The following BPTF variants were observed in gnomAD, a reference collection of about 807,000 sequenced individuals.
The protein encoded by BPTF is bromodomain PHD finger transcription factor.
BPTF carries 18 observed loss-of-function variants against 292.5 expected under a neutral mutation model. The observed-to-expected ratio is 0.06, with a 90% confidence interval of 0.04 to 0.09. The LOEUF (loss-of-function observed/expected upper bound fraction) is 0.09. Ranked by LOEUF, BPTF falls within the 10% of genes least tolerant of loss-of-function variation. BPTF has a pLI of 1.00. For synonymous variants in BPTF, 1,225 were observed against 1,251.9 expected, an observed-to-expected ratio of 0.98 and a Z score of 0.45; for missense variants, 2,726 against 3,498.7, an observed-to-expected ratio of 0.78 and a Z score of 5.57.
intron 4 of BPTF, among the ~76,000 whole-genome samples, chr17:67,876,367 G>A (rs770433583): frequency 6.6e-5 from 10 of 152,214 alleles, no homozygotes; most frequent in Non-Finnish European, 1.5e-4. Context: ...TTCCATTTGA[G>A]TACTGGTCAG....
At chr17:67,847,116 T>G (rs1207040875) in intron 1 of BPTF, among the ~76,000 whole-genome samples, 4 of 152,294 alleles carry the variant, frequency 2.6e-5, no homozygotes, top group Middle Eastern at 3.4e-3. Context: ...ATAAACATCT[T>G]TGAAAGGAAG....
intron 1 of BPTF, among the ~76,000 whole-genome samples, chr17:67,831,415 A>G (rs1022506627): frequency 5.3e-5 from 8 of 152,222 alleles, no homozygotes; most frequent in African/African-American, 1.7e-4. Flanking sequence ...AAGTTGGGCA[A>G]TATGATTTGT....
chr17:67,837,413 G>GTT (rs57947185), intron 1 of BPTF, among the ~76,000 whole-genome samples: 2 of 143,794 alleles, frequency 1.4e-5, no homozygotes, highest in African/African-American at 2.5e-5. Context: ...TATGTGTTTT[G>GTT]TTTTTTTTTT....
At chr17:67,924,992 A>C (rs1291669302) in intron 15 of BPTF, among the ~76,000 whole-genome samples, 7 of 144,282 alleles carry the variant, frequency 4.9e-5, no homozygotes, top group African/African-American at 5.2e-5. Flanking sequence ...CAAGCGATCC[A>C]CCTGCCTCAG....
intron 24 of BPTF, chr17:67,963,409 A>G (rs1555685059): frequency 6.5e-7 from 1 of 1,536,084 alleles, no homozygotes; most frequent in Non-Finnish European, 8.7e-7. Context: ...GGAGGCTAAG[A>G]AAATGGATGT....
At chr17:67,921,803 G>T (rs1204579168) in intron 13 of BPTF, among the ~76,000 whole-genome samples, 1 of 152,112 alleles carries the variant, frequency 6.6e-6, no homozygotes, top group South Asian at 2.1e-4. Context: ...AGGCCAAGGC[G>T]GGTGGGTCAT....
At chr17:67,951,916 A>G (rs1351383183) in intron 23 of BPTF, among the ~76,000 whole-genome samples, 1 of 151,870 alleles carries the variant, frequency 6.6e-6, no homozygotes, top group Non-Finnish European at 1.5e-5. Flanking sequence ...TTAGCTGGGC[A>G]TGGTGGCGCA....
In BPTF at chr17:67,904,696, C is replaced by T. The variant is rs1434340540; in HGVS notation, c.2674-6C>T. 3 of 1,593,386 alleles carry T rather than the reference C, an allele frequency of 1.9e-6. No individual in the cohort carries two copies. Among genetic ancestry groups the T allele is most frequent in the Non-Finnish European group, 2.6e-6 (3 of 1,168,110 alleles). On this transcript the variant is annotated splice_region_variant and splice_polypyrimidine_tract_variant and intron_variant, in intron 8 of 27. Transcript: ENST00000306378. ...TGTTTAATCAAAATGTTTTCATTTACACCAGGTTTGGAAACAAAAAGGTGA... is the reference window on the plus strand; with the variant it reads ...TGTTTAATCAAAATGTTTTCATTTATACCAGGTTTGGAAACAAAAAGGTGA...
At chr17:67,933,787 A>G (rs2064646780) in intron 18 of BPTF, among the ~76,000 whole-genome samples, 1 of 152,168 alleles carries the variant, frequency 6.6e-6, no homozygotes. Flanking sequence ...ACCCAGGCGC[A>G]GTGGCTCATG....
At chr17:67,933,167 A>G (rs1306646163) in intron 18 of BPTF, among the ~76,000 whole-genome samples, 1 of 151,804 alleles carries the variant, frequency 6.6e-6, no homozygotes, top group East Asian at 1.9e-4. Flanking sequence ...CTGAGGCAGG[A>G]GAGTCGCTTG....
At chr17:67,962,064 GC>G (rs2067560767) in intron 24 of BPTF, among the ~76,000 whole-genome samples, 1 of 152,184 alleles carries the variant, frequency 6.6e-6, no homozygotes, top group Non-Finnish European at 1.5e-5. Context: ...GATCACATGA[GC>G]CTGGGAGGTC....
At chr17:67,876,301 T>C (rs1387922223) in intron 4 of BPTF, among the ~76,000 whole-genome samples, 1 of 152,104 alleles carries the variant, frequency 6.6e-6, no homozygotes, top group African/African-American at 2.4e-5. Flanking sequence ...ACACCAAGAG[T>C]GTCCTGTTGC....
intron 9 of BPTF, among the ~76,000 whole-genome samples, chr17:67,905,911 G>A (rs369338404): frequency 1.3e-5 from 2 of 152,004 alleles, no homozygotes; most frequent in South Asian, 2.1e-4. Flanking sequence ...TGGGGTTGGG[G>A]GAGGTTGGGG....
chr17:67,889,373 T>C (rs1240975068), intron 4 of BPTF, among the ~76,000 whole-genome samples: 1 of 152,200 alleles, frequency 6.6e-6, no homozygotes, highest in Admixed American at 6.5e-5. Context: ...TTAGGAAGCT[T>C]TTTAAAAGCA....
rs569527821 is a variant in BPTF at position 67,888,010 on chromosome 17, G to A, written c.1865-3834G>A. On this transcript the variant is annotated intron_variant, in intron 4 of 27. Transcript: ENST00000306378. The stretch of plus-strand genomic sequence containing the variant: ...ATGGCCAGGGCAGGCAAGGTACTAC[G>A]ATTGATGCCTCCAGCAAAAGTTGGG... 1.1e-4 allele frequency among the ~76,000 whole-genome samples: 16 copies of A among 152,284 alleles called. No homozygotes were observed. In the East Asian group the frequency reaches 2.9e-3, roughly 28 times the overall value.
chr17:67,896,408 G>T (rs901690636), intron 7 of BPTF, among the ~76,000 whole-genome samples: 1 of 152,166 alleles, frequency 6.6e-6, no homozygotes, highest in Non-Finnish European at 1.5e-5. Context: ...GGGCACAAGG[G>T]TTGTAAAAAT....
intron 18 of BPTF, among the ~76,000 whole-genome samples, chr17:67,933,979 G>A (rs2064673595): frequency 6.6e-6 from 1 of 152,062 alleles, no homozygotes; most frequent in African/African-American, 2.4e-5. Flanking sequence ...AGGAGGTGGA[G>A]GTTGCCGTGA....
chr17:67,910,807 A>G, intron 10 of BPTF, 70 bp from the exon 11 acceptor site: 2 of 1,148,898 alleles, frequency 1.7e-6, no homozygotes, highest in Non-Finnish European at 2.2e-6. Flanking sequence ...CTCAAAAAAA[A>G]AAATATATAT....
At chr17:67,920,973 G>A (rs1023092587) in intron 13 of BPTF, among the ~76,000 whole-genome samples, 3 of 151,760 alleles carry the variant, frequency 2.0e-5, no homozygotes, top group African/African-American at 7.3e-5. Flanking sequence ...TTGGGAGGCC[G>A]AGACAGGTGG....
Sources: allele counts gnomAD v4.1 joint callset (sites outside exome capture counted in the v4.1 genomes callset), GRCh38; gene constraint gnomAD v4.1.1; transcripts MANE v1.5; gene names NCBI Gene and HGNC (gene_info 2026-07-23, HGNC 2026-07-21).